Variants in COX7A2 observed in about 807,000 individuals in gnomAD.
COX7A2 encodes the protein cytochrome c oxidase subunit 7A2, mitochondrial.
COX7A2 carries 11 observed loss-of-function variants against 11.6 expected under a neutral mutation model. The observed-to-expected ratio is 0.95, with a 90% CI of 0.60 to 1.57. COX7A2 has a LOEUF of 1.57. Ranked by LOEUF, COX7A2 falls within the 40% of genes most tolerant of loss-of-function variation. The pLI is 0.00. For synonymous variants in COX7A2, 30 were observed against 38.2 expected (o/e 0.78, Z 0.79); for missense variants, 106 against 100.9 (o/e 1.05, Z -0.22).
At chr6:75,246,658 A>G (rs1771687065), upstream of COX7A2, among the ~76,000 whole-genome samples, 1 of 152,226 alleles carries the variant, frequency 6.6e-6, no homozygotes, top group Non-Finnish European at 1.5e-5. Context: ...TGGTTAAATG[A>G]ATGAACTGTA....
At chr6:75,242,518 T>TAAAAAATA (rs954898899) in intron 1 of COX7A2, among the ~76,000 whole-genome samples, 1 of 139,582 alleles carries the variant, frequency 7.2e-6, no homozygotes, top group Non-Finnish European at 1.6e-5. Context: ...AAAATAAAAA[T>TAAAAAATA]AAAAAATAAA....
At position 75,240,352 on chromosome 6, in the gene COX7A2, C is replaced by G. The variant is rs754814290; in HGVS notation, c.142G>C (p.Gly48Arg). 38 of 1,605,754 alleles carry G rather than the reference C, an allele frequency of 2.4e-5. No individual in the cohort carries two copies. The highest frequency in any genetic ancestry group is 3.2e-5 in the Non-Finnish European group (38 of 1,177,098). Residue 48 changes from glycine (G) to arginine (R), a missense_variant, in exon 3 of 4, where the codon GGG (glycine) becomes CGG (arginine). By Grantham distance (125) the Gly-to-Arg change is moderately radical. Transcript: ENST00000684430. ...DDEIPLYLKG[G>R]VADALLYRAT... ...CTATACAGGAGGGCATCAGCTACCC[C>G]ACCCTTTAGATACAGTGGAATTTCA...
intron 1 of COX7A2, among the ~76,000 whole-genome samples, chr6:75,241,505 C>T (rs1771499253): frequency 6.6e-6 from 1 of 152,122 alleles, no homozygotes. Flanking sequence ...TAGATTCTAA[C>T]CAAAAAATAA....
chr6:75,237,771 A>G (rs113430068), downstream of COX7A2: 1,292 of 468,586 alleles, frequency 2.8e-3, 16 homozygotes, highest in African/African-American at 0.023. Context: ...GCATAAAGTG[A>G]TAAAATCAGA....
chr6:75,244,989 T>C (rs910672936), upstream of COX7A2, among the ~76,000 whole-genome samples: 2 of 152,210 alleles, frequency 1.3e-5, no homozygotes, highest in African/African-American at 4.8e-5. Context: ...TGGGGGTTTT[T>C]TAAGTACATT....
At chr6:75,240,170 G>T in intron 3 of COX7A2, 131 bp downstream of exon 3, 5 of 687,582 alleles carry the variant, frequency 7.3e-6, no homozygotes, top group Non-Finnish European at 1.3e-5. Context: ...ATCATTATGA[G>T]ATATAGTAAG....
upstream of COX7A2, chr6:75,243,938 G>A: frequency 3.2e-6 from 3 of 947,258 alleles, no homozygotes; most frequent in Non-Finnish European, 4.8e-6. Flanking sequence ...TAGCCGGCTC[G>A]CCGTCTCAGT....
chr6:75,241,322 C>T, intron 1 of COX7A2, 57 bp from the exon 2 acceptor site: 1 of 1,381,888 alleles, frequency 7.2e-7, no homozygotes, highest in Non-Finnish European at 9.7e-7. Flanking sequence ...TCAAAACCAA[C>T]TATTTTCAGT....
intron 1 of COX7A2, among the ~76,000 whole-genome samples, chr6:75,242,242 C>T (rs1303763982): frequency 6.6e-6 from 1 of 151,754 alleles, no homozygotes; most frequent in Non-Finnish European, 1.5e-5. Context: ...CGGTGGCTCA[C>T]GCCTGTAATC....
At chr6:75,245,151 T>C (rs894921398), upstream of COX7A2, among the ~76,000 whole-genome samples, 8 of 152,190 alleles carry the variant, frequency 5.3e-5, no homozygotes, top group Non-Finnish European at 1.0e-4. Flanking sequence ...AATACATCAA[T>C]TAATTACATT....
At chr6:75,242,227 A>C (rs1771525173) in intron 1 of COX7A2, among the ~76,000 whole-genome samples, 1 of 151,952 alleles carries the variant, frequency 6.6e-6, no homozygotes, top group Non-Finnish European at 1.5e-5. Context: ...TTACTTGGCC[A>C]GGCGCGGTGG....
chr6:75,244,161 G>A (rs1259472373), upstream of COX7A2, among the ~76,000 whole-genome samples: 2 of 152,196 alleles, frequency 1.3e-5, no homozygotes, highest in African/African-American at 4.8e-5. Flanking sequence ...CAAAGACTGG[G>A]TTGGCCGAAA....
chr6:75,241,418 T>C (rs2149510909), intron 1 of COX7A2, among the ~76,000 whole-genome samples, 153 bp from the exon 2 acceptor site: 1 of 152,370 alleles, frequency 6.6e-6, no homozygotes, highest in African/African-American at 2.4e-5. Context: ...TCCAGGTTTT[T>C]CAATTTGTTA....
chr6:75,245,354 G>T (rs1771658911), upstream of COX7A2, among the ~76,000 whole-genome samples: 1 of 152,164 alleles, frequency 6.6e-6, no homozygotes, highest in African/African-American at 2.4e-5. Flanking sequence ...AGGCGGGCGT[G>T]GTGGCGGGCG....
intron 3 of COX7A2, among the ~76,000 whole-genome samples, chr6:75,238,890 A>G (rs1771404665): frequency 6.6e-6 from 1 of 151,390 alleles, no homozygotes; most frequent in African/African-American, 2.4e-5. Context: ...ATCTGAGCTC[A>G]CTGCAACCTC....
intron 1 of COX7A2, among the ~76,000 whole-genome samples, chr6:75,242,278 G>A (rs1771528535): frequency 6.6e-6 from 1 of 152,096 alleles, no homozygotes; most frequent in Admixed American, 6.5e-5. Flanking sequence ...GCCAAGGTGG[G>A]TGGATCACCT....
chr6:75,243,934 G>GCTC, upstream of COX7A2: 1 of 1,008,886 alleles, frequency 9.9e-7, no homozygotes. Context: ...GCTCTAGCCG[G>GCTC]CTCGCCGTCT....
intron 1 of COX7A2, among the ~76,000 whole-genome samples, chr6:75,243,040 G>A (rs1771567669): frequency 6.6e-6 from 1 of 152,046 alleles, no homozygotes; most frequent in East Asian, 1.9e-4. Context: ...AAACAAATAT[G>A]CTCTCGATTT....
rs777215626 is a variant in COX7A2, at chr6:75,241,167, C to T, written c.108+9G>A. On this transcript the variant is annotated intron_variant, in intron 2 of 3. Coordinates refer to ENST00000684430, the MANE Select transcript of COX7A2 (RefSeq NM_001366293.2). The stretch of plus-strand genomic sequence containing the variant: ...TACAAGTAACATCTCCTATAAAATA[C>T]TTCAGTACCTGGAACAGTTTTTGCT... The T allele has an allele frequency of 3.8e-6, 6 of 1,597,488 alleles. No individual in the cohort carries two copies. In the South Asian group the frequency reaches 6.7e-5, roughly 18 times the overall value.
Sources: allele counts gnomAD v4.1 joint callset (sites outside exome capture counted in the v4.1 genomes callset), GRCh38; gene constraint gnomAD v4.1.1; transcripts MANE v1.5; gene names NCBI Gene and HGNC (gene_info 2026-07-23, HGNC 2026-07-21).